The following PTPRM variants were observed in gnomAD, a reference collection of about 807,000 sequenced individuals.
The protein encoded by PTPRM is protein tyrosine phosphatase receptor type M, also known as receptor-type tyrosine-protein phosphatase mu.
A neutral mutation model predicts 186.7 loss-of-function variants in PTPRM; 47 were observed. That is an observed-to-expected ratio of 0.25 (90% confidence interval 0.20 to 0.32). The LOEUF (loss-of-function observed/expected upper bound fraction) is 0.32. Ranked by LOEUF, PTPRM falls within the 10% of genes least tolerant of loss-of-function variation. The pLI is 1.00. For synonymous variants in PTPRM, 668 were observed against 674.9 expected (o/e 0.99, Z 0.16); for missense variants, 1,494 against 1,865.0 (o/e 0.80, Z 3.66).
At chr18:8,289,549 T>TAC (rs1302122544) in intron 19 of PTPRM, among the ~76,000 whole-genome samples, 12 of 95,000 alleles carry the variant, frequency 1.3e-4, no homozygotes, top group African/African-American at 7.9e-4. Context: ...TATATATATA[T>TAC]ACATATATAT....
At chr18:7,795,839 G>T in intron 2 of PTPRM, among the ~76,000 whole-genome samples, 2 of 135,656 alleles carry the variant, frequency 1.5e-5, no homozygotes, top group African/African-American at 2.9e-5. Flanking sequence ...TAGAGAGACA[G>T]GGTCTTGTTC....
intron 1 of PTPRM, among the ~76,000 whole-genome samples, chr18:7,623,323 C>A (rs2037985073): frequency 6.6e-6 from 1 of 151,934 alleles, no homozygotes; most frequent in African/African-American, 2.4e-5. Flanking sequence ...CTAGGAAATA[C>A]CAGAAAGTAT....
chr18:7,874,477 T>A (rs962120994), intron 2 of PTPRM, among the ~76,000 whole-genome samples: 6 of 152,078 alleles, frequency 3.9e-5, no homozygotes, highest in African/African-American at 1.4e-4. Context: ...TGATCGATCA[T>A]TCATCATCAA....
At position 8,380,640 on chromosome 18, in the gene PTPRM, C is replaced by A. The variant is rs147056267; in HGVS notation, c.3918+213C>A. Among the ~76,000 whole-genome samples the A allele has an allele frequency of 5.9e-5, 9 of 152,262 alleles. 1 individual carries two copies. In the South Asian group the frequency reaches 1.2e-3, roughly 21 times the overall value. On this transcript the variant is annotated intron_variant, in intron 29 of 32. Transcript: ENST00000580170. Reference sequence around the variant, plus strand: ...TGAAACCAGAAATACAGGCTGAAATCATAGATGGTTGAGGTGACAGGGCAA... The same window carrying A: ...TGAAACCAGAAATACAGGCTGAAATAATAGATGGTTGAGGTGACAGGGCAA...
intron 1 of PTPRM, among the ~76,000 whole-genome samples, chr18:7,656,963 G>A (rs149747703): frequency 5.4e-4 from 82 of 152,102 alleles, no homozygotes; most frequent in African/African-American, 1.5e-3. Context: ...AGGCCAAGGT[G>A]GATGTGTAGG....
At chr18:8,151,204 T>C (rs2092998266) in intron 14 of PTPRM, among the ~76,000 whole-genome samples, 1 of 152,132 alleles carries the variant, frequency 6.6e-6, no homozygotes, top group Non-Finnish European at 1.5e-5. Context: ...GGTAGGGACA[T>C]TTAAGTCTGC....
chr18:7,712,672 T>C (rs1218244559), intron 1 of PTPRM, among the ~76,000 whole-genome samples: 1 of 151,732 alleles, frequency 6.6e-6, no homozygotes, highest in African/African-American at 2.4e-5. Flanking sequence ...GAGAAGAACA[T>C]AAATGACCTG....
chr18:7,833,294 A>C (rs575605187), intron 2 of PTPRM, among the ~76,000 whole-genome samples: 1 of 152,142 alleles, frequency 6.6e-6, no homozygotes, highest in African/African-American at 2.4e-5. Context: ...AATTTCTTCA[A>C]CAGGGTTTTA....
intron 5 of PTPRM, among the ~76,000 whole-genome samples, chr18:7,940,867 G>C (rs753661173): frequency 1.3e-5 from 2 of 149,572 alleles, no homozygotes; most frequent in Non-Finnish European, 3.0e-5. Context: ...AATATTCCTA[G>C]GTTTGGATGC....
chr18:8,198,080 A>G (rs888906708), intron 14 of PTPRM, among the ~76,000 whole-genome samples: 1 of 152,196 alleles, frequency 6.6e-6, no homozygotes, highest in African/African-American at 2.4e-5. Context: ...CTGTTGGAAG[A>G]TTAGTTCCTT....
At chr18:8,076,151 G>T (rs2148482320) in intron 8 of PTPRM, among the ~76,000 whole-genome samples, 1 of 152,250 alleles carries the variant, frequency 6.6e-6, no homozygotes, top group African/African-American at 2.4e-5. Flanking sequence ...GAGTATGTGA[G>T]AATTCTCATC....
Position 7,796,534 on chromosome 18 carries a change from G to A in PTPRM, c.196+22263G>A, listed in dbSNP as rs551727159. On this transcript the variant is annotated intron_variant, in intron 2 of 32. Transcript: ENST00000580170. ...CTCACTCCACAGCAGGTCTGAGCAG[G>A]GTACAGCAGTGTCACCCAAGGGGGT... 6.6e-5 allele frequency among the ~76,000 whole-genome samples: 10 copies of A among 152,284 alleles called. No individual in the cohort carries two copies. In the South Asian group the frequency reaches 2.1e-3, roughly 32 times the overall value.
intron 19 of PTPRM, among the ~76,000 whole-genome samples, chr18:8,271,301 A>G (rs562948848): frequency 5.1e-4 from 78 of 151,736 alleles, no homozygotes; most frequent in African/African-American, 1.8e-3. Flanking sequence ...TAGAAAGTTA[A>G]TATAACATAT....
chr18:7,990,255 CTG>C (rs1258474888), intron 7 of PTPRM, among the ~76,000 whole-genome samples: 1 of 152,152 alleles, frequency 6.6e-6, no homozygotes, highest in Non-Finnish European at 1.5e-5. Flanking sequence ...CTAACACTAA[CTG>C]TCATGCAAAA....
At chr18:7,965,605 C>T (rs575194791) in intron 7 of PTPRM, among the ~76,000 whole-genome samples, 5 of 152,190 alleles carry the variant, frequency 3.3e-5, no homozygotes, top group South Asian at 2.1e-4. Flanking sequence ...CATCCAGTGT[C>T]GCTGGCCTCA....
chr18:7,907,263 G>GCT lies in PTPRM; in HGVS notation c.547+681_547+682dup, dbSNP rs112629542. Reference sequence around the variant, plus strand: ...CCCCCAGGGGCCACCACAGTGGTGAGCTGGTTGTTGCACCTGTTATGGTTT... The same window carrying GCT: ...CCCCCAGGGGCCACCACAGTGGTGAGCTCTGGTTGTTGCACCTGTTATGGTTT... On this transcript the variant is annotated intron_variant, in intron 4 of 32. Coordinates refer to ENST00000580170, the MANE Select transcript of PTPRM (RefSeq NM_001105244.2). Among the ~76,000 whole-genome samples the GCT allele has an allele frequency of 7.0e-3, 1,070 of 152,344 alleles. 15 individuals carry two copies. The highest frequency in any genetic ancestry group is 0.025 in the African/African-American group (1,027 of 41,572).
chr18:8,118,893 TG>T (rs1204918433), intron 13 of PTPRM, among the ~76,000 whole-genome samples: 1 of 150,484 alleles, frequency 6.6e-6, no homozygotes, highest in African/African-American at 2.4e-5. Flanking sequence ...GTATTTTACA[TG>T]TGGCCCAAGA....
At chr18:8,042,931 C>G (rs2086785948) in intron 7 of PTPRM, among the ~76,000 whole-genome samples, 1 of 152,132 alleles carries the variant, frequency 6.6e-6, no homozygotes, top group Non-Finnish European at 1.5e-5. Flanking sequence ...CCCTCCAACT[C>G]CCCCTTTTCT....
intron 4 of PTPRM, among the ~76,000 whole-genome samples, chr18:7,918,126 A>T (rs547560330): frequency 6.8e-6 from 1 of 148,108 alleles, no homozygotes; most frequent in South Asian, 2.1e-4. Context: ...CATTTTCTTT[A>T]TTTACTTATT....
Sources: allele counts gnomAD v4.1 joint callset (sites outside exome capture counted in the v4.1 genomes callset), GRCh38; gene constraint gnomAD v4.1.1; transcripts MANE v1.5; gene names NCBI Gene and HGNC (gene_info 2026-07-23, HGNC 2026-07-21).